The following PCDHGB6 variants were observed in gnomAD, a reference collection of about 807,000 sequenced individuals.
The protein encoded by PCDHGB6 is protocadherin gamma-B6.
A neutral mutation model predicts 59.1 loss-of-function variants in PCDHGB6; 51 were observed. That is an observed-to-expected ratio of 0.86 (90% confidence interval 0.69 to 1.09). PCDHGB6 has a LOEUF of 1.09. Ranked by LOEUF, PCDHGB6 falls within the 50% of genes least tolerant of loss-of-function variation. The probability of loss-of-function intolerance (pLI) is 0.00; values close to 1 mark genes in which losing one functional copy is unlikely to be tolerated. For missense variants in PCDHGB6, 1,148 were observed against 1,205.1 expected, an observed-to-expected ratio of 0.95 and a Z score of 0.70; for synonymous variants, 466 against 495.1, an observed-to-expected ratio of 0.94 and a Z score of 0.78.
chr5:141,481,736 G>A (rs569415213), intron 1 of PCDHGB6, among the ~76,000 whole-genome samples: 23 of 151,934 alleles, frequency 1.5e-4, no homozygotes, highest in African/African-American at 4.3e-4. Flanking sequence ...GGCGGATCAC[G>A]AGGTCAGGAG....
At chr5:141,474,607 A>C (rs1334447439) in intron 1 of PCDHGB6, among the ~76,000 whole-genome samples, 1 of 152,238 alleles carries the variant, frequency 6.6e-6, no homozygotes, top group Non-Finnish European at 1.5e-5. Context: ...TAGGTCACAT[A>C]TGGCTTTTCA....
chr5:141,471,631 G>A (rs573080972), intron 1 of PCDHGB6: 7 of 152,188 alleles, frequency 4.6e-5, no homozygotes, highest in African/African-American at 9.6e-5. Flanking sequence ...CATTGGTATG[G>A]ATTAGTAATA....
chr5:141,456,275 G>A (rs1234663731), intron 1 of PCDHGB6, among the ~76,000 whole-genome samples: 1 of 152,142 alleles, frequency 6.6e-6, no homozygotes, highest in Non-Finnish European at 1.5e-5. Flanking sequence ...GCTACTTCCT[G>A]CTGAAAAGGG....
chr5:141,455,919 A>T, intron 1 of PCDHGB6, among the ~76,000 whole-genome samples: 1 of 145,568 alleles, frequency 6.9e-6, no homozygotes, highest in Non-Finnish European at 1.5e-5. Context: ...TTATTTTGAG[A>T]CGGAGTCTCG....
At chr5:141,424,171 C>A in intron 1 of PCDHGB6, 1 of 226,338 alleles carries the variant, frequency 4.4e-6, no homozygotes, top group Non-Finnish European at 8.0e-6. Flanking sequence ...ATCTATCTAT[C>A]TATACACATG....
chr5:141,419,037 A>G, intron 1 of PCDHGB6: 1 of 1,613,972 alleles, frequency 6.2e-7, no homozygotes, highest in Middle Eastern at 1.6e-4. Flanking sequence ...GTTCCATTTA[A>G]GATTCATTCT....
Position 141,410,413 on chromosome 5 carries a change from TG to T in PCDHGB6, c.2212del (p.Val738Ter). The T allele has an allele frequency of 6.2e-7, 1 of 1,614,056 alleles. No homozygotes were observed. Among genetic ancestry groups the T allele is most frequent in the Non-Finnish European group, 8.5e-7 (1 of 1,179,892 alleles). On this transcript the variant is annotated frameshift_variant, in exon 1 of 4. Transcript: ENST00000520790. LOFTEE classifies it high-confidence loss of function. ...HPGLCVKSGP[V>X]VPPNYSEGTL... ...CTGGTCTCTGTGTCAAGTCTGGACCTGTAGTTCCCCCCAACTACAGTGAGGG... is the reference window on the plus strand; with the variant it reads ...CTGGTCTCTGTGTCAAGTCTGGACCTTAGTTCCCCCCAACTACAGTGAGGG...
chr5:141,441,230 ATTTAAATCACAAGATC>A (rs1009424536), intron 1 of PCDHGB6: 1 of 152,196 alleles, frequency 6.6e-6, no homozygotes, highest in African/African-American at 2.4e-5. Context: ...ACTGTCCAGG[ATTTAAATCACAAGATC>A]TTTAAATCAC....
intron 1 of PCDHGB6, among the ~76,000 whole-genome samples, chr5:141,453,490 G>A (rs921556476): frequency 6.6e-6 from 1 of 151,922 alleles, no homozygotes; most frequent in Admixed American, 6.6e-5. Flanking sequence ...TTAAAAAAAG[G>A]TGTACTCAGA....
chr5:141,471,626 G>A (rs938624727), intron 1 of PCDHGB6: 2 of 152,108 alleles, frequency 1.3e-5, no homozygotes, highest in South Asian at 4.1e-4. Context: ...GTAAGCATTG[G>A]TATGGATTAG....
chr5:141,480,414 CAA>C (rs10712552), intron 1 of PCDHGB6, among the ~76,000 whole-genome samples: 346 of 147,498 alleles, frequency 2.3e-3, no homozygotes, highest in African/African-American at 8.3e-3. Flanking sequence ...GACCCTGTCT[CAA>C]AAAAAAAAAT....
chr5:141,497,312 G>A (rs940721317), intron 2 of PCDHGB6, among the ~76,000 whole-genome samples: 7 of 152,038 alleles, frequency 4.6e-5, no homozygotes, highest in African/African-American at 1.7e-4. Flanking sequence ...CCATACACTG[G>A]CTTTGAAGCA....
At chr5:141,500,223 T>TATTG (rs1554186512) in intron 2 of PCDHGB6, among the ~76,000 whole-genome samples, 5 of 145,410 alleles carry the variant, frequency 3.4e-5, no homozygotes, top group African/African-American at 5.2e-5. Context: ...TTTATTTATT[T>TATTG]ATTGATACGT....
intron 1 of PCDHGB6, among the ~76,000 whole-genome samples, chr5:141,435,395 C>T (rs946113643): frequency 5.3e-5 from 8 of 152,198 alleles, no homozygotes; most frequent in East Asian, 3.9e-4. Context: ...ATTGCCATGA[C>T]GAAAAATGGT....
At chr5:141,433,655 G>T (rs1227358856) in intron 1 of PCDHGB6, among the ~76,000 whole-genome samples, 2 of 152,036 alleles carry the variant, frequency 1.3e-5, no homozygotes, top group Non-Finnish European at 1.5e-5. Flanking sequence ...GACCAACATG[G>T]AGAAACCCCG....
chr5:141,410,726 A>G, intron 1 of PCDHGB6, 106 bp downstream of exon 1: 4 of 1,376,038 alleles, frequency 2.9e-6, no homozygotes, highest in Non-Finnish European at 3.9e-6. Context: ...TTTAAAATCC[A>G]TAGCTTTTTA....
chr5:141,415,487 A>C, intron 1 of PCDHGB6: 1 of 1,614,170 alleles, frequency 6.2e-7, no homozygotes, highest in Non-Finnish European at 8.5e-7. Context: ...CGAAAGAGTC[A>C]CCTGATCTTC....
At chr5:141,418,806 C>A in intron 1 of PCDHGB6, 1 of 1,613,696 alleles carries the variant, frequency 6.2e-7, no homozygotes, top group Non-Finnish European at 8.5e-7. Context: ...GAAAGATATA[C>A]GATAAACATA....
At chr5:141,447,163 G>T (rs11167747) in intron 1 of PCDHGB6, among the ~76,000 whole-genome samples, 6,233 of 151,894 alleles carry the variant, frequency 0.041, 196 homozygotes, top group Admixed American at 0.075. Flanking sequence ...TGTTTAAGCG[G>T]GGTCTTGCTC....
Sources: gnomAD v4.1 joint callset for allele counts (sites outside exome capture counted in the v4.1 genomes callset) on GRCh38, gnomAD v4.1.1 for gene constraint, MANE v1.5 for transcripts, NCBI Gene and HGNC (gene_info 2026-07-23, HGNC 2026-07-21) for gene names.